KSR2: variants seen among roughly 807,000 people sequenced by gnomAD.
The protein encoded by KSR2 is kinase suppressor of ras 2.
KSR2 carries 25 observed loss-of-function variants against 107.8 expected under a neutral mutation model. That is an observed-to-expected ratio of 0.23 (90% CI 0.17 to 0.32). KSR2 has a LOEUF of 0.32. Ranked by LOEUF, KSR2 falls within the 10% of genes least tolerant of loss-of-function variation. The probability of loss-of-function intolerance (pLI) is 1.00; values close to 1 mark genes in which losing one functional copy is unlikely to be tolerated. For synonymous variants in KSR2, 480 were observed against 507.0 expected (o/e 0.95, Z 0.71); for missense variants, 887 against 1,268.9 (o/e 0.70, Z 4.57).
chr12:117,849,737 A>G (rs1423914157), intron 3 of KSR2, among the ~76,000 whole-genome samples: 1 of 152,242 alleles, frequency 6.6e-6, no homozygotes. Context: ...ACAGAGACAG[A>G]GACAGACAGG....
chr12:117,636,848 G>A (rs775173455), intron 5 of KSR2, among the ~76,000 whole-genome samples: 4 of 151,964 alleles, frequency 2.6e-5, no homozygotes, highest in Admixed American at 6.6e-5. Context: ...CATCAAAAGA[G>A]CCAATAAAGG....
rs150366098 is a variant in KSR2, at chr12:117,707,892, A to G, written c.987-40234T>C. ...TCCTGGATCAATGATCTCTGGTAGTATTTCCCCTAGGGTGATCCTTACCAT... is the reference window on the plus strand; with the variant it reads ...TCCTGGATCAATGATCTCTGGTAGTGTTTCCCCTAGGGTGATCCTTACCAT... On this transcript the variant is annotated intron_variant, in intron 4 of 19. Transcript: ENST00000339824. Among the ~76,000 whole-genome samples the G allele has an allele frequency of 4.7e-3, 722 of 152,280 alleles. 4 individuals are homozygous for G. Among genetic ancestry groups the G allele is most frequent in the Non-Finnish European group, 7.2e-3 (490 of 68,022 alleles).
intron 14 of KSR2, among the ~76,000 whole-genome samples, chr12:117,490,802 G>A (rs7301550): frequency 0.55 from 84,257 of 152,046 alleles, 23,852 homozygotes; most frequent in East Asian, 0.73. Context: ...TAAGTAGAGC[G>A]GGGATGAATT....
intron 4 of KSR2, among the ~76,000 whole-genome samples, chr12:117,750,583 G>A (rs539869970): frequency 1.3e-5 from 2 of 152,052 alleles, no homozygotes; most frequent in Admixed American, 6.6e-5. Context: ...TAAGGTTCGG[G>A]GTATGATAGA....
At chr12:117,597,275 G>A (rs749788378) in intron 5 of KSR2, among the ~76,000 whole-genome samples, 1 of 152,212 alleles carries the variant, frequency 6.6e-6, no homozygotes, top group Non-Finnish European at 1.5e-5. Context: ...GCTGGAATCA[G>A]TGACTGTTAT....
intron 4 of KSR2, among the ~76,000 whole-genome samples, chr12:117,738,555 A>C (rs481593): frequency 0.2 from 29,917 of 152,126 alleles, 3,667 homozygotes; most frequent in South Asian, 0.3. Context: ...AATATTAAAA[A>C]GGTACAGTAA....
At chr12:117,575,217 G>T (rs560950149) in intron 7 of KSR2, among the ~76,000 whole-genome samples, 6 of 152,266 alleles carry the variant, frequency 3.9e-5, no homozygotes, top group Middle Eastern at 3.4e-3. Flanking sequence ...ATTCACTCTT[G>T]TTTCCCCAGC....
intron 4 of KSR2, among the ~76,000 whole-genome samples, chr12:117,684,618 T>C (rs1241284255): frequency 6.6e-6 from 1 of 152,156 alleles, no homozygotes; most frequent in African/African-American, 2.4e-5. Context: ...GAGAGGTAAG[T>C]GCCTGTACCA....
At chr12:117,694,834 G>A (rs866254105) in intron 4 of KSR2, among the ~76,000 whole-genome samples, 3 of 135,332 alleles carry the variant, frequency 2.2e-5, no homozygotes, top group Middle Eastern at 3.8e-3. Context: ...AAGGACAAAT[G>A]TTGTATGATT....
At chr12:117,813,167 A>G (rs1251001733) in intron 3 of KSR2, among the ~76,000 whole-genome samples, 1 of 152,230 alleles carries the variant, frequency 6.6e-6, no homozygotes, top group African/African-American at 2.4e-5. Context: ...GTAAGACTTT[A>G]AACTTAAAAC....
chr12:117,775,943 G>C (rs1241033622), intron 3 of KSR2, among the ~76,000 whole-genome samples: 1 of 152,178 alleles, frequency 6.6e-6, no homozygotes, highest in Admixed American at 6.5e-5. Flanking sequence ...GCGGGGAAAA[G>C]TGGGGAGTGG....
chr12:117,549,798 C>T (rs576397665), intron 9 of KSR2, among the ~76,000 whole-genome samples: 6 of 152,062 alleles, frequency 3.9e-5, no homozygotes, highest in Non-Finnish European at 8.8e-5. Context: ...AATGAATGAA[C>T]TAAGCAATTG....
At chr12:117,492,963 C>A (rs1872826637) in intron 14 of KSR2, among the ~76,000 whole-genome samples, 1 of 152,136 alleles carries the variant, frequency 6.6e-6, no homozygotes, top group African/African-American at 2.4e-5. Context: ...GCCCTGCCAA[C>A]ATCCTGATTT....
Position 117,525,067 on chromosome 12 carries a change from G to A in KSR2, c.2004C>T (p.Ile668=), listed in dbSNP as rs56178407. The A allele has an allele frequency of 7.2e-3, 11,557 of 1,613,972 alleles. 72 individuals carry two copies. The highest frequency in any genetic ancestry group is 0.019 in the Middle Eastern group (118 of 6,062). ...AGCGGCCCTTTCCAATGAGCTCGCC[G>A]ATCTCCAGCTGCTCAAAGGGGATGT... ...EWDIPFEQLE[I]GELIGKGRFG... Residue 668 remains isoleucine (I), a synonymous_variant, in exon 14 of 20, where the codon ATC becomes ATT. Transcript: ENST00000339824.
chr12:117,832,434 G>A (rs550098434), intron 3 of KSR2, among the ~76,000 whole-genome samples: 23 of 152,262 alleles, frequency 1.5e-4, no homozygotes, highest in African/African-American at 5.1e-4. Flanking sequence ...CAGACCCAGC[G>A]TCATCAACAA....
chr12:117,690,570 A>G (rs527890068), intron 4 of KSR2, among the ~76,000 whole-genome samples: 1 of 152,276 alleles, frequency 6.6e-6, no homozygotes, highest in South Asian at 2.1e-4. Context: ...GTCTCAAAAA[A>G]AAAGATAAAA....
At chr12:117,577,210 AAGG>A (rs150957302) in intron 7 of KSR2, among the ~76,000 whole-genome samples, 2,473 of 152,338 alleles carry the variant, frequency 0.016, 60 homozygotes, top group African/African-American at 0.055. Flanking sequence ...CCTAGAGCAG[AAGG>A]AGGAGTTCTC....
At chr12:117,919,009 C>T (rs188968473) in intron 1 of KSR2, among the ~76,000 whole-genome samples, 1 of 151,536 alleles carries the variant, frequency 6.6e-6, no homozygotes, top group Admixed American at 6.6e-5. Flanking sequence ...GTGGTGCACG[C>T]TGTAGTAGTC....
At chr12:117,811,670 G>C (rs1412967859) in intron 3 of KSR2, among the ~76,000 whole-genome samples, 1 of 152,208 alleles carries the variant, frequency 6.6e-6, no homozygotes, top group Non-Finnish European at 1.5e-5. Flanking sequence ...AAATTAGTGA[G>C]ATAAGGTATG....
Sources: gnomAD v4.1 joint callset for allele counts (sites outside exome capture counted in the v4.1 genomes callset) on GRCh38, gnomAD v4.1.1 for gene constraint, MANE v1.5 for transcripts, NCBI Gene and HGNC (gene_info 2026-07-23, HGNC 2026-07-21) for gene names.